Variants in ABCD3 observed in about 807,000 individuals in gnomAD.
ABCD3 encodes ATP binding cassette subfamily D member 3.
Under a neutral mutation model 105.5 loss-of-function variants are expected in ABCD3, and 41 were observed. The observed-to-expected ratio is 0.39, with a 90% CI of 0.30 to 0.50. ABCD3 has a LOEUF of 0.50. Ranked by LOEUF, ABCD3 falls within the 20% of genes least tolerant of loss-of-function variation. ABCD3 has a pLI of 0.84. For missense variants in ABCD3, 622 were observed against 806.3 expected (o/e 0.77, Z 2.77); for synonymous variants, 258 against 269.0 (o/e 0.96, Z 0.40).
At chr1:94,500,639 G>C (rs1650049029) in intron 20 of ABCD3, among the ~76,000 whole-genome samples, 1 of 152,054 alleles carries the variant, frequency 6.6e-6, no homozygotes, top group Non-Finnish European at 1.5e-5. Flanking sequence ...AAAAGAAATT[G>C]GCTTATGGCA....
intron 2 of ABCD3, 58 bp downstream of exon 2, chr1:94,458,701 T>C: frequency 6.6e-7 from 1 of 1,512,470 alleles, no homozygotes; most frequent in Non-Finnish European, 9.2e-7. Context: ...ATTTATTTTG[T>C]CATATGATTC....
chr1:94,386,061 T>G, the ABCD3 span, among the ~76,000 whole-genome samples: 1 of 100,532 alleles, frequency 9.9e-6, no homozygotes, highest in African/African-American at 3.3e-5. Context: ...CTTTCTTTCT[T>G]TCTTTCTTTC....
intron 16 of ABCD3, among the ~76,000 whole-genome samples, chr1:94,496,700 T>TTG (rs1649819525): frequency 1.5e-5 from 2 of 132,440 alleles, no homozygotes. Context: ...TTCTGTTTTT[T>TTG]TTTTTTTTTT....
chr1:94,397,027 T>G, the ABCD3 span, among the ~76,000 whole-genome samples: 1 of 152,250 alleles, frequency 6.6e-6, no homozygotes, highest in Non-Finnish European at 1.5e-5. Flanking sequence ...CTTACTTGAT[T>G]TCAGGATGCA....
intron 3 of ABCD3, among the ~76,000 whole-genome samples, chr1:94,466,905 T>C (rs1237022666): frequency 6.6e-6 from 1 of 152,174 alleles, no homozygotes; most frequent in Non-Finnish European, 1.5e-5. Flanking sequence ...CTTCCCTTAC[T>C]TTAACTTCTA....
chr1:94,399,527 T>C, the ABCD3 span, among the ~76,000 whole-genome samples: 1 of 152,134 alleles, frequency 6.6e-6, no homozygotes, highest in Non-Finnish European at 1.5e-5. Flanking sequence ...ATTTCACACA[T>C]GAGAAAGTTG....
chr1:94,517,307 G>A lies in ABCD3; in HGVS notation c.*178G>A, dbSNP rs1015874983. The A allele has an allele frequency of 7.2e-6, 4 of 553,914 alleles. No homozygotes were observed. In the Admixed American group the frequency reaches 1.2e-4, roughly 17 times the overall value. 34.3% of individuals were successfully genotyped at this position (553,914 alleles called of 1,614,324 possible). A position where few individuals can be genotyped will look rare whatever the true frequency, so the allele number is the denominator to read the frequency against. ...TTGTTAAAACATTTAATATTATATAGGATATTGCTAATTGTGTATATGTTG... is the reference window on the plus strand; with the variant it reads ...TTGTTAAAACATTTAATATTATATAAGATATTGCTAATTGTGTATATGTTG... On this transcript the variant is annotated 3_prime_UTR_variant, in exon 23 of 23. Coordinates refer to ENST00000370214, the MANE Select transcript of ABCD3 (RefSeq NM_002858.4).
intron 1 of ABCD3, among the ~76,000 whole-genome samples, chr1:94,456,167 A>G (rs1214052881): frequency 1.4e-5 from 2 of 146,132 alleles, no homozygotes; most frequent in Non-Finnish European, 3.0e-5. Context: ...CATGTAAGTG[A>G]GATTATGCAG....
the ABCD3 span, among the ~76,000 whole-genome samples, chr1:94,385,757 C>G: frequency 6.6e-6 from 1 of 152,176 alleles, no homozygotes; most frequent in Non-Finnish European, 1.5e-5. Context: ...AACTGTCACC[C>G]TAACCCAACT....
At chr1:94,485,656 C>A (rs1182643156) in intron 10 of ABCD3, among the ~76,000 whole-genome samples, 1 of 152,116 alleles carries the variant, frequency 6.6e-6, no homozygotes, top group East Asian at 1.9e-4. Context: ...ACAGTTACTT[C>A]TTGTTTTAAT....
chr1:94,477,635 G>A (rs1191049335), intron 7 of ABCD3, among the ~76,000 whole-genome samples: 4 of 151,980 alleles, frequency 2.6e-5, no homozygotes, highest in Non-Finnish European at 4.4e-5. Context: ...AACACAATTT[G>A]TGTTTCTTGA....
At chr1:94,418,704 G>A in intron 1 of ABCD3, 116 bp downstream of exon 1, 1 of 1,071,972 alleles carries the variant, frequency 9.3e-7, no homozygotes, top group South Asian at 1.4e-5. Flanking sequence ...GCGGAGAGAG[G>A]GCCGACCGCG....
At chr1:94,399,758 A>C in the ABCD3 span, among the ~76,000 whole-genome samples, 1 of 152,232 alleles carries the variant, frequency 6.6e-6, no homozygotes, top group African/African-American at 2.4e-5. Context: ...TTCTGACCTC[A>C]GATGCCGCAG....
At chr1:94,485,868 G>A (rs957197421) in intron 10 of ABCD3, among the ~76,000 whole-genome samples, 2 of 152,118 alleles carry the variant, frequency 1.3e-5, no homozygotes, top group Non-Finnish European at 2.9e-5. Context: ...ATTGTATTAA[G>A]TTTTATAAGT....
intron 16 of ABCD3, among the ~76,000 whole-genome samples, chr1:94,495,616 A>T (rs538583298): frequency 6.6e-6 from 1 of 152,190 alleles, no homozygotes; most frequent in Non-Finnish European, 1.5e-5. Flanking sequence ...AAGTCTGGTT[A>T]TTATTTATAT....
intron 10 of ABCD3, among the ~76,000 whole-genome samples, chr1:94,484,304 T>C (rs1215671933): frequency 6.6e-6 from 1 of 152,176 alleles, no homozygotes; most frequent in African/African-American, 2.4e-5. Context: ...ACCCAAAGGA[T>C]TATAATCATG....
chr1:94,390,381 C>A, the ABCD3 span, among the ~76,000 whole-genome samples: 1 of 152,104 alleles, frequency 6.6e-6, no homozygotes, highest in Non-Finnish European at 1.5e-5. Flanking sequence ...GGGCTCACTG[C>A]AACCTCTGCC....
chr1:94,403,049 C>A, the ABCD3 span, among the ~76,000 whole-genome samples: 1 of 147,172 alleles, frequency 6.8e-6, no homozygotes, highest in African/African-American at 2.5e-5. Context: ...TGAGAATATG[C>A]GGTGTTTGGT....
upstream of ABCD3, among the ~76,000 whole-genome samples, chr1:94,418,268 C>T (rs904117327): frequency 1.3e-5 from 2 of 152,300 alleles, no homozygotes; most frequent in Admixed American, 1.3e-4. Flanking sequence ...GTTCCGCCCA[C>T]GGAGGCTGCC....
Sources: allele counts gnomAD v4.1 joint callset (sites outside exome capture counted in the v4.1 genomes callset), GRCh38; gene constraint gnomAD v4.1.1; transcripts MANE v1.5; gene names NCBI Gene and HGNC (gene_info 2026-07-23, HGNC 2026-07-21).